ATXN1: variants seen among roughly 807,000 people sequenced by gnomAD.
ATXN1 encodes ataxin 1, also known as ataxin-1.
A neutral mutation model predicts 56.4 loss-of-function variants in ATXN1; 8 were observed. The ratio of observed to expected loss-of-function variants is 0.14; its 90% CI spans 0.08 to 0.26. The LOEUF is 0.26. ATXN1 is among the 10% of genes least tolerant of loss of function. The pLI is 1.00. For missense variants in ATXN1, 987 were observed against 1,106.5 expected (o/e 0.89, Z 1.53); for synonymous variants, 514 against 494.6 (o/e 1.04, Z -0.52).
Position 16,603,136 on chromosome 6 carries a change from C to T in ATXN1, c.-488-17229G>A, listed in dbSNP as rs139933179. Among the ~76,000 whole-genome samples, 373 of 152,326 alleles carry T rather than the reference C, an allele frequency of 2.4e-3. 1 individual carries two copies. The highest frequency in any genetic ancestry group is 6.8e-3 in the Middle Eastern group (2 of 294). On this transcript the variant is annotated intron_variant, in intron 3 of 7. Transcript: ENST00000436367. ...AAGGGCCTCCTACCTAGAGTCACCT[C>T]ACTGGGACCTGGGACAGCATGATTC...
At chr6:16,451,019 T>G (rs1759742339) in intron 6 of ATXN1, among the ~76,000 whole-genome samples, 1 of 152,220 alleles carries the variant, frequency 6.6e-6, no homozygotes, top group Admixed American at 6.5e-5. Flanking sequence ...GGCCATTCCT[T>G]GAGAATTACT....
At chr6:16,558,932 T>C (rs1305891236) in intron 4 of ATXN1, among the ~76,000 whole-genome samples, 1 of 151,574 alleles carries the variant, frequency 6.6e-6, no homozygotes, top group Non-Finnish European at 1.5e-5. Flanking sequence ...AAAAAGTCAA[T>C]TCACAGGATA....
At chr6:16,685,331 C>A (rs947026386) in intron 2 of ATXN1, among the ~76,000 whole-genome samples, 1 of 152,136 alleles carries the variant, frequency 6.6e-6, no homozygotes, top group African/African-American at 2.4e-5. Context: ...CACCTCCCCG[C>A]CCCCATTATT....
At chr6:16,570,565 T>C (rs1456268868) in intron 4 of ATXN1, among the ~76,000 whole-genome samples, 6 of 152,290 alleles carry the variant, frequency 3.9e-5, no homozygotes, top group African/African-American at 1.4e-4. Context: ...TATAACTAAA[T>C]CCATGGAAGT....
At chr6:16,374,446 T>A (rs1040257794) in intron 6 of ATXN1, among the ~76,000 whole-genome samples, 5 of 152,182 alleles carry the variant, frequency 3.3e-5, no homozygotes, top group African/African-American at 1.2e-4. Context: ...ATAAATGCCG[T>A]ATATAACAAG....
chr6:16,409,007 GGGTTCTAA>G (rs1156380584), intron 6 of ATXN1, among the ~76,000 whole-genome samples: 1 of 152,118 alleles, frequency 6.6e-6, no homozygotes, highest in Non-Finnish European at 1.5e-5. Context: ...AAGAATACAT[GGGTTCTAA>G]GGTTTAGTCA....
chr6:16,510,690 A>T (rs1275796483), intron 5 of ATXN1, among the ~76,000 whole-genome samples: 1 of 152,176 alleles, frequency 6.6e-6, no homozygotes, highest in African/African-American at 2.4e-5. Context: ...ATGAGCTGTG[A>T]GTGCACCACT....
In ATXN1 at chr6:16,637,074, T is replaced by C. The variant is rs144359510; in HGVS notation, c.-489+20702A>G. ...ATGTTTATTGCGGCACTATTCACAA[T>C]AGCAAAGACTTGGAACCAACCCAAA... On this transcript the variant is annotated intron_variant, in intron 3 of 7. Coordinates refer to ENST00000436367, the MANE Select transcript of ATXN1 (RefSeq NM_001128164.2). Among the ~76,000 whole-genome samples the C allele has an allele frequency of 2.4e-3, 365 of 152,182 alleles. 3 individuals carry two copies. The highest frequency in any genetic ancestry group is 8.1e-3 in the African/African-American group (338 of 41,520).
intron 3 of ATXN1, among the ~76,000 whole-genome samples, chr6:16,603,752 T>C (rs746522372): frequency 8.6e-5 from 13 of 151,528 alleles, no homozygotes; most frequent in South Asian, 2.1e-4. Context: ...GCACAGCAGG[T>C]GAAGTGGGGG....
chr6:16,361,678 A>C (rs1237393581), intron 6 of ATXN1, among the ~76,000 whole-genome samples: 1 of 152,198 alleles, frequency 6.6e-6, no homozygotes. Flanking sequence ...TACTCCCAGA[A>C]GATTACACTG....
chr6:16,625,405 G>T (rs777645723), intron 3 of ATXN1, among the ~76,000 whole-genome samples: 12 of 152,156 alleles, frequency 7.9e-5, no homozygotes, highest in Non-Finnish European at 1.8e-4. Context: ...ATCCTGGAGG[G>T]GGCTAGGGAT....
chr6:16,589,313 C>T (rs1762682034), intron 3 of ATXN1, among the ~76,000 whole-genome samples: 1 of 152,098 alleles, frequency 6.6e-6, no homozygotes, highest in Non-Finnish European at 1.5e-5. Flanking sequence ...GAGGTATCCC[C>T]TCATCATAGT....
intron 6 of ATXN1, among the ~76,000 whole-genome samples, chr6:16,357,716 A>T (rs894834575): frequency 1.3e-5 from 2 of 152,234 alleles, no homozygotes; most frequent in Non-Finnish European, 1.5e-5. Flanking sequence ...AGACTCAGGT[A>T]GCGACAATAA....
At chr6:16,567,163 G>T (rs1762245759) in intron 4 of ATXN1, among the ~76,000 whole-genome samples, 1 of 152,138 alleles carries the variant, frequency 6.6e-6, no homozygotes, top group African/African-American at 2.4e-5. Context: ...AAACATAAAG[G>T]TGATCTGGAA....
Position 16,597,499 on chromosome 6 carries a change from C to T in ATXN1, c.-488-11592G>A, listed in dbSNP as rs555015357. On this transcript the variant is annotated intron_variant, in intron 3 of 7. Coordinates refer to ENST00000436367, the MANE Select transcript of ATXN1 (RefSeq NM_001128164.2). Reference sequence around the variant, plus strand: ...TGTCACCCAGGCTGGAGTGCAGTGGCGCAATCTTGGCTCACTGCAGCCTCT... The same window carrying T: ...TGTCACCCAGGCTGGAGTGCAGTGGTGCAATCTTGGCTCACTGCAGCCTCT... Among the ~76,000 whole-genome samples the T allele has an allele frequency of 5.0e-3, 748 of 149,176 alleles. 3 individuals are homozygous for T. Among genetic ancestry groups the T allele is most frequent in the African/African-American group, 0.016 (639 of 40,606 alleles).
intron 2 of ATXN1, among the ~76,000 whole-genome samples, chr6:16,717,582 C>T (rs1759664549): frequency 6.6e-6 from 1 of 152,234 alleles, no homozygotes; most frequent in African/African-American, 2.4e-5. Flanking sequence ...CATTCCCATG[C>T]AGCTTAACAC....
At chr6:16,358,644 C>T (rs1261439005) in intron 6 of ATXN1, among the ~76,000 whole-genome samples, 3 of 152,222 alleles carry the variant, frequency 2.0e-5, no homozygotes, top group East Asian at 1.9e-4. Flanking sequence ...GGTGGCAGCC[C>T]TGTTCATTCC....
intron 5 of ATXN1, among the ~76,000 whole-genome samples, chr6:16,494,119 C>G (rs553245207): frequency 6.6e-6 from 1 of 150,566 alleles, no homozygotes; most frequent in East Asian, 2.0e-4. Context: ...AGAGGCATCT[C>G]CAGTGCAGGG....
chr6:16,382,717 C>T (rs887459175), intron 6 of ATXN1, among the ~76,000 whole-genome samples: 2 of 152,036 alleles, frequency 1.3e-5, no homozygotes, highest in African/African-American at 4.8e-5. Flanking sequence ...CCAAGACTCA[C>T]ATCTAGAGCA....
Sources: gnomAD v4.1 joint callset for allele counts (sites outside exome capture counted in the v4.1 genomes callset) on GRCh38, gnomAD v4.1.1 for gene constraint, MANE v1.5 for transcripts, NCBI Gene and HGNC (gene_info 2026-07-23, HGNC 2026-07-21) for gene names.